Variants in KMT2A observed in about 807,000 individuals in gnomAD.
KMT2A encodes histone-lysine N-methyltransferase 2A.
KMT2A carries 16 observed loss-of-function variants against 345.3 expected under a neutral mutation model. That is an observed-to-expected ratio of 0.05 (90% CI 0.03 to 0.07). KMT2A has a LOEUF of 0.07. Among genes scored for constraint, KMT2A ranks in the 10% least tolerant of loss-of-function variants. The pLI is 1.00. For synonymous variants in KMT2A, 1,599 were observed against 1,778.6 expected (o/e 0.90, Z 2.54); for missense variants, 3,272 against 4,841.6 (o/e 0.68, Z 9.62).
chr11:118,462,810 C>T (rs964005349), intron 1 of KMT2A, among the ~76,000 whole-genome samples: 1 of 152,206 alleles, frequency 6.6e-6, no homozygotes, highest in Non-Finnish European at 1.5e-5. Context: ...GATCCTCCCA[C>T]GTCGGCCTCC....
chr11:118,500,804 C>A, intron 24 of KMT2A, 183 bp from the exon 25 acceptor site: 3 of 412,174 alleles, frequency 7.3e-6, no homozygotes, highest in Non-Finnish European at 8.6e-6. Flanking sequence ...TAAGAAAAAC[C>A]AAGGACTTCA....
intron 24 of KMT2A, among the ~76,000 whole-genome samples, chr11:118,500,227 T>C (rs1490501826): frequency 9.2e-5 from 14 of 152,180 alleles, no homozygotes; most frequent in African/African-American, 3.4e-4. Context: ...GTGCAGATTG[T>C]TTTTATGGAT....
At chr11:118,475,907 A>G (rs1950029053) in intron 3 of KMT2A, among the ~76,000 whole-genome samples, 1 of 151,828 alleles carries the variant, frequency 6.6e-6, no homozygotes, top group African/African-American at 2.4e-5. Flanking sequence ...AGCCTTTTAT[A>G]CTTTCTCTTT....
At position 118,503,430 on chromosome 11, in the gene KMT2A, A is replaced by C; in HGVS notation, c.7538A>C (p.Lys2513Thr). Reference sequence around the variant, plus strand: ...CCCATGCAAGTAGAAGGATCTGCCAAGGAATTACAGGCACCACGGAAACGC... The same window carrying C: ...CCCATGCAAGTAGAAGGATCTGCCACGGAATTACAGGCACCACGGAAACGC... The part of the protein sequence containing the change: ...APPMQVEGSA[K>T]ELQAPRKRTV... The change falls in exon 27 of 36, where the codon AAG (lysine) becomes ACG (threonine). Residue 2513 changes from lysine (K) to threonine (T), a missense_variant. Coordinates refer to ENST00000534358, the MANE Select transcript of KMT2A (RefSeq NM_001197104.2). This position sits in a 1 kb window ranked among gnomAD's most constrained non-coding sequence, Gnocchi z 5.3. 6.2e-7 allele frequency: 1 copy of C among 1,614,116 alleles called. No homozygotes were observed. Among genetic ancestry groups the C allele is most frequent in the Non-Finnish European group, 8.5e-7 (1 of 1,179,932 alleles).
intron 10 of KMT2A, chr11:118,488,407 C>G: frequency 3.3e-6 from 2 of 612,798 alleles, no homozygotes; most frequent in South Asian, 3.4e-5. Context: ...CTTTCTATTT[C>G]CACTGGTATT....
Position 118,505,514 on chromosome 11 carries a change from A to G in KMT2A, c.9622A>G (p.Thr3208Ala). The G allele has an allele frequency of 6.2e-7, 1 of 1,614,152 alleles. No homozygotes were observed. Among genetic ancestry groups the G allele is most frequent in the Non-Finnish European group, 8.5e-7 (1 of 1,180,006 alleles). Reference protein sequence around the residue: ...QLLVSESSQRTDLSTTVATPS... With the variant: ...QLLVSESSQRADLSTTVATPS... ...TTTGGTTTCAGAATCCAGCCAGAGG[A>G]CAGACCTCAGTACCACAGTAGCCAC... is the stretch of plus-strand genomic sequence containing the variant. The change falls in exon 27 of 36, where the codon ACA becomes GCA. Residue 3208 changes from threonine to alanine, a missense_variant. By Grantham distance (58) the Thr-to-Ala change is moderately conservative. Transcript: ENST00000534358. This position sits in a 1 kb window ranked among gnomAD's most constrained non-coding sequence, Gnocchi z 4.6.
intron 25 of KMT2A, 152 bp from the exon 26 acceptor site, chr11:118,501,520 C>G: frequency 1.6e-6 from 1 of 633,520 alleles, no homozygotes; most frequent in Non-Finnish European, 2.7e-6. Flanking sequence ...TCAGGGAGTA[C>G]TATGATTGAA....
At chr11:118,515,416 T>C (rs1214529946) in intron 31 of KMT2A, among the ~76,000 whole-genome samples, 2 of 152,246 alleles carry the variant, frequency 1.3e-5, no homozygotes, top group Non-Finnish European at 2.9e-5. Context: ...TATCATCTTA[T>C]ATAACAGAAA....
In KMT2A at chr11:118,495,163, T is replaced by A. The variant is rs1359038186; in HGVS notation, c.5363+396T>A. Among the ~76,000 whole-genome samples, 7 of 150,416 alleles carry A rather than the reference T, an allele frequency of 4.7e-5. No homozygotes were observed. The highest frequency in any genetic ancestry group is 7.4e-5 in the Non-Finnish European group (5 of 67,802). ...TTTGATTTGATTTTATTTATTTATT[T>A]ATTTTTTTTTTTTTGAGACGGAGTC... On this transcript the variant is annotated intron_variant, in intron 18 of 35. Transcript: ENST00000534358. The surrounding 1 kb of genome is among the most constrained non-coding windows in gnomAD (Gnocchi z 4.1).
chr11:118,481,355 G>A lies in KMT2A; in HGVS notation c.3635-360G>A, dbSNP rs1164150569. On this transcript the variant is annotated intron_variant, in intron 6 of 35. Transcript: ENST00000534358. ...AAATGAGTGAGAGCATGTGATGTTT[G>A]TCTCTCTGTGTCTGGCTTATTTCAC... is the stretch of plus-strand genomic sequence containing the variant. 3.3e-5 allele frequency among the ~76,000 whole-genome samples: 5 copies of A among 152,196 alleles called. No individual in the cohort carries two copies. The East Asian group carries it at 7.7e-4, about 24-fold the overall frequency.
intron 1 of KMT2A, among the ~76,000 whole-genome samples, chr11:118,441,877 A>T (rs1211834104): frequency 6.6e-6 from 1 of 152,124 alleles, no homozygotes; most frequent in African/African-American, 2.4e-5. Flanking sequence ...TCCCATCTTG[A>T]CTTAATTCTC....
chr11:118,456,215 T>C (rs1555030802), intron 1 of KMT2A, among the ~76,000 whole-genome samples: 1 of 152,080 alleles, frequency 6.6e-6, no homozygotes, highest in Non-Finnish European at 1.5e-5. Flanking sequence ...TTAAAACTTT[T>C]AGGGCCATGC....
intron 23 of KMT2A, 62 bp from the exon 24 acceptor site, chr11:118,499,773 C>T (rs1470726272): frequency 7.9e-7 from 1 of 1,267,458 alleles, no homozygotes; most frequent in African/African-American, 1.5e-5. Flanking sequence ...GAGTGAGACT[C>T]TCTCAAAAAA....
rs1186580008 is a variant in KMT2A at position 118,504,279 on chromosome 11, G to T, written c.8387G>T (p.Gly2796Val). The T allele has an allele frequency of 4.3e-6, 7 of 1,613,960 alleles. No homozygotes were observed. Among genetic ancestry groups the T allele is most frequent in the Non-Finnish European group, 3.4e-6 (4 of 1,180,040 alleles). Reference sequence around the variant, plus strand: ...TCTGTAAGCAGAGTTAAAACACAGGGACAAGATTCCTTGGAAGCTCAGCTC... The same window carrying T: ...TCTGTAAGCAGAGTTAAAACACAGGTACAAGATTCCTTGGAAGCTCAGCTC... ...CHSVSRVKTQ[G>V]QDSLEAQLSS... Residue 2796 changes from glycine (G) to valine (V), a missense_variant, in exon 27 of 36, where the codon GGA (glycine) becomes GTA (valine). Transcript: ENST00000534358. The surrounding 1 kb of genome is among the most constrained non-coding windows in gnomAD (Gnocchi z 6.4).
At chr11:118,440,540 G>A (rs182693041) in intron 1 of KMT2A, among the ~76,000 whole-genome samples, 136 of 152,202 alleles carry the variant, frequency 8.9e-4, no homozygotes, top group African/African-American at 2.7e-3. Flanking sequence ...ACTAGTCTTC[G>A]TTTATTAATG....
At position 118,504,981 on chromosome 11, in the gene KMT2A, G is replaced by T; in HGVS notation, c.9089G>T (p.Ser3030Ile). 6.2e-7 allele frequency: 1 copy of T among 1,614,108 alleles called. No individual in the cohort carries two copies. Among genetic ancestry groups the T allele is most frequent in the Non-Finnish European group, 8.5e-7 (1 of 1,180,016 alleles). ...AATCAGGATTTAACTAGGAACAGTA[G>T]CACCCCTGGCCTTCAGGTACCTGTT... is the stretch of plus-strand genomic sequence containing the variant. ...GNNQDLTRNS[S>I]TPGLQVPVSP... Residue 3030 changes from serine (S) to isoleucine (I), a missense_variant, in exon 27 of 36, where the codon AGC becomes ATC. This residue lies in a region of KMT2A where 748 missense variants were observed against 922.2 expected (regional missense o/e 0.81). Coordinates refer to ENST00000534358, the MANE Select transcript of KMT2A (RefSeq NM_001197104.2). This position sits in a 1 kb window ranked among gnomAD's most constrained non-coding sequence, Gnocchi z 6.4.
rs1950948826 is a variant in KMT2A at position 118,520,784 on chromosome 11, G to A, written c.11430-18G>A. On this transcript the variant is annotated intron_variant, in intron 33 of 35. Coordinates refer to ENST00000534358, the MANE Select transcript of KMT2A (RefSeq NM_001197104.2). This position sits in a 1 kb window ranked among gnomAD's most constrained non-coding sequence, Gnocchi z 4.3. Reference sequence around the variant, plus strand: ...ATTTCCTGAAAAAAATTCGTTAATAGTATGTCTTATCTCTTAGGAGGGCAA... The same window carrying A: ...ATTTCCTGAAAAAAATTCGTTAATAATATGTCTTATCTCTTAGGAGGGCAA... 1.9e-6 allele frequency: 3 copies of A among 1,603,330 alleles called. No individual in the cohort carries two copies. The highest frequency in any genetic ancestry group is 1.3e-5 in the African/African-American group (1 of 74,670).
chr11:118,455,468 CA>C (rs1334345561), intron 1 of KMT2A, among the ~76,000 whole-genome samples: 1 of 152,050 alleles, frequency 6.6e-6, no homozygotes, highest in Non-Finnish European at 1.5e-5. Flanking sequence ...GCCTTCTCTA[CA>C]TTTGAGAACC....
intron 31 of KMT2A, among the ~76,000 whole-genome samples, chr11:118,514,270 G>A (rs1591298651): frequency 6.6e-6 from 1 of 152,116 alleles, no homozygotes; most frequent in Admixed American, 6.5e-5. Flanking sequence ...GCTGAGTAGC[G>A]ACCCAGCCCT....
Sources: gnomAD v4.1 joint callset for allele counts (sites outside exome capture counted in the v4.1 genomes callset) on GRCh38, gnomAD v4.1.1 for gene constraint, gnomAD v4.1.1 regional missense constraint, Gnocchi (gnomAD v3.1) non-coding constraint, MANE v1.5 for transcripts, NCBI Gene and HGNC (gene_info 2026-07-23, HGNC 2026-07-21) for gene names.